COL11A1: variants seen among roughly 807,000 people sequenced by gnomAD.
COL11A1 encodes the protein collagen alpha-1(XI) chain.
A neutral mutation model predicts 265.2 loss-of-function variants in COL11A1; 74 were observed. The observed-to-expected ratio is 0.28, with a 90% CI of 0.23 to 0.34. COL11A1 has a LOEUF of 0.34. Among genes scored for constraint, COL11A1 ranks in the 10% least tolerant of loss-of-function variants. COL11A1 has a pLI of 1.00. For synonymous variants in COL11A1, 816 were observed against 727.6 expected, an observed-to-expected ratio of 1.12 and a Z score of -1.96; for missense variants, 2,165 against 2,263.6, an observed-to-expected ratio of 0.96 and a Z score of 0.88.
intron 54 of COL11A1, among the ~76,000 whole-genome samples, chr1:102,903,431 G>C (rs993073817): frequency 2.6e-5 from 4 of 151,486 alleles, no homozygotes; most frequent in Non-Finnish European, 4.4e-5. Context: ...TGCTACTTCC[G>C]CCATAAGATA....
rs891465984 is a variant in COL11A1, at chr1:102,876,953, C to T, written c.*1066G>A. Reference sequence around the variant, plus strand: ...TTTGTTGGGCAAGTAAAATAATTTTCGAGACTGTTATAATATGCAACTTAG... The same window carrying T: ...TTTGTTGGGCAAGTAAAATAATTTTTGAGACTGTTATAATATGCAACTTAG... On this transcript the variant is annotated 3_prime_UTR_variant, in exon 67 of 67. Coordinates refer to ENST00000370096, the MANE Select transcript of COL11A1 (RefSeq NM_001854.4). The T allele has an allele frequency of 9.8e-5, 15 of 152,324 alleles. No homozygotes were observed. Among genetic ancestry groups the T allele is most frequent in the African/African-American group, 2.2e-4 (9 of 41,392 alleles). 9.4% of individuals were successfully genotyped at this position (152,324 alleles called of 1,614,324 possible). A position where few individuals can be genotyped will look rare whatever the true frequency, so the allele number is the denominator to read the frequency against.
chr1:103,049,629 T>G (rs1669616641), intron 4 of COL11A1, among the ~76,000 whole-genome samples: 1 of 152,230 alleles, frequency 6.6e-6, no homozygotes, highest in Admixed American at 6.5e-5. Flanking sequence ...TGTGTTAATT[T>G]GATCCTGCCA....
chr1:103,081,433 A>T (rs1029710150), intron 2 of COL11A1, among the ~76,000 whole-genome samples: 2 of 151,880 alleles, frequency 1.3e-5, no homozygotes, highest in Non-Finnish European at 2.9e-5. Context: ...TAATTTTTTT[A>T]AATCTATTTT....
At chr1:102,991,992 G>A (rs564296160) in intron 28 of COL11A1, among the ~76,000 whole-genome samples, 2 of 151,986 alleles carry the variant, frequency 1.3e-5, no homozygotes, top group African/African-American at 4.8e-5. Flanking sequence ...CCTCCCTAGA[G>A]AAAAACATAA....
chr1:103,014,914 T>C, intron 12 of COL11A1, among the ~76,000 whole-genome samples: 1 of 152,150 alleles, frequency 6.6e-6, no homozygotes, highest in East Asian at 1.9e-4. Context: ...CCCATTTTAT[T>C]GATTCATTTG....
intron 37 of COL11A1, among the ~76,000 whole-genome samples, chr1:102,967,255 T>TTTTTTC (rs1661511381): frequency 8.5e-6 from 1 of 118,176 alleles, no homozygotes; most frequent in Non-Finnish European, 1.7e-5. Context: ...TTTTTTTTTT[T>TTTTTTC]TTTGAGACGG....
At chr1:102,900,032 C>T (rs150620383) in intron 54 of COL11A1, among the ~76,000 whole-genome samples, 29 of 152,086 alleles carry the variant, frequency 1.9e-4, no homozygotes, top group Non-Finnish European at 1.9e-4. Context: ...CAAAATTGCA[C>T]GTGTACCCCA....
intron 5 of COL11A1, among the ~76,000 whole-genome samples, chr1:103,029,363 T>C (rs961063671): frequency 2.0e-5 from 3 of 152,002 alleles, no homozygotes; most frequent in African/African-American, 7.2e-5. Flanking sequence ...TTTATATAGG[T>C]AGAACTTCTG....
chr1:103,074,018 T>C (rs976275090), intron 4 of COL11A1, among the ~76,000 whole-genome samples: 3 of 152,068 alleles, frequency 2.0e-5, no homozygotes, highest in Admixed American at 1.3e-4. Context: ...TCATTTGTTC[T>C]TTTAAAAAGT....
At chr1:102,985,083 C>T (rs996838752) in intron 30 of COL11A1, among the ~76,000 whole-genome samples, 17 of 151,800 alleles carry the variant, frequency 1.1e-4, no homozygotes, top group African/African-American at 3.4e-4. Context: ...TGGAATTTTA[C>T]TGTGCATCCA....
intron 63 of COL11A1, 53 bp downstream of exon 63, chr1:102,886,754 C>A: frequency 6.2e-7 from 1 of 1,612,418 alleles, no homozygotes; most frequent in Non-Finnish European, 8.5e-7. Context: ...GCCAATGCAC[C>A]TCAGAAACTC....
In COL11A1 at chr1:103,043,192, A is replaced by G. The variant is rs1429748336; in HGVS notation, c.652-11948T>C. 1.2e-4 allele frequency among the ~76,000 whole-genome samples: 15 copies of G among 125,488 alleles called. No individual in the cohort carries two copies. In the Admixed American group the frequency reaches 1.2e-3, roughly 10 times the overall value. 82.3% of individuals were successfully genotyped at this position (125,488 alleles called of 152,430 possible). ...TATATGAAATATATATAATGTATATATGAAATACATCATATATATGAAATA... is the reference window on the plus strand; with the variant it reads ...TATATGAAATATATATAATGTATATGTGAAATACATCATATATATGAAATA... On this transcript the variant is annotated intron_variant, in intron 4 of 66. Coordinates refer to ENST00000370096, the MANE Select transcript of COL11A1 (RefSeq NM_001854.4).
intron 4 of COL11A1, among the ~76,000 whole-genome samples, chr1:103,048,452 C>G (rs1669499733): frequency 6.6e-6 from 1 of 151,674 alleles, no homozygotes; most frequent in African/African-American, 2.4e-5. Flanking sequence ...TGGTGATATC[C>G]CCTTTATCAT....
At position 102,940,336 on chromosome 1, in the gene COL11A1, G is replaced by A. The variant is rs17127270; in HGVS notation, c.3375C>T (p.Asp1125=). 0.16 allele frequency: 260,719 copies of A among 1,611,018 alleles called. 22,589 individuals carry two copies. Among genetic ancestry groups the A allele is most frequent in the African/African-American group, 0.2 (15,095 of 74,814 alleles). The change falls in exon 43 of 67, where the codon GAC becomes GAT. Residue 1125 remains aspartate (D), a synonymous_variant. Coordinates refer to ENST00000370096, the MANE Select transcript of COL11A1 (RefSeq NM_001854.4). ...AATAATGAATACCAACCTTGTCTCC[G>A]TCTTCCCCAGGGGAGCCGGCAGGAC... ...PAGPAGSPGE[D]GDKGEIGEPG... is the part of the protein sequence containing the mutation.
intron 4 of COL11A1, among the ~76,000 whole-genome samples, chr1:103,037,521 T>C (rs1668470636): frequency 6.6e-6 from 1 of 152,130 alleles, no homozygotes; most frequent in African/African-American, 2.4e-5. Flanking sequence ...TGATACTGTC[T>C]TGTTCAATTC....
intron 41 of COL11A1, among the ~76,000 whole-genome samples, chr1:102,952,284 A>C (rs1350474461): frequency 6.6e-6 from 1 of 152,134 alleles, no homozygotes; most frequent in Non-Finnish European, 1.5e-5. Flanking sequence ...TTTTTAGTAG[A>C]GACAGGGTTT....
At chr1:103,050,358 C>T (rs948751617) in intron 4 of COL11A1, among the ~76,000 whole-genome samples, 6 of 152,198 alleles carry the variant, frequency 3.9e-5, no homozygotes, top group Non-Finnish European at 5.9e-5. Flanking sequence ...ATTTCATCTT[C>T]CATCACTGAT....
chr1:102,992,454 T>A (rs1198379768), intron 28 of COL11A1, among the ~76,000 whole-genome samples: 1 of 152,014 alleles, frequency 6.6e-6, no homozygotes, highest in Non-Finnish European at 1.5e-5. Context: ...TGGTTAACAA[T>A]TAACATCATT....
rs1656632855 is a variant in COL11A1 at position 102,926,687 on chromosome 1, T to C, written c.3601-3298A>G. Among the ~76,000 whole-genome samples, 3 of 152,154 alleles carry C rather than the reference T, an allele frequency of 2.0e-5. 1 individual carries two copies. In the South Asian group the frequency reaches 6.2e-4, roughly 32 times the overall value. ...TCGTGAAAATGAAGATGATGTTTAT[T>C]GAATATTTTATAAACATAATCTACA... is the stretch of plus-strand genomic sequence containing the variant. On this transcript the variant is annotated intron_variant, in intron 46 of 66. Transcript: ENST00000370096.
Sources: allele counts gnomAD v4.1 joint callset (sites outside exome capture counted in the v4.1 genomes callset), GRCh38; gene constraint gnomAD v4.1.1; transcripts MANE v1.5; gene names NCBI Gene and HGNC (gene_info 2026-07-23, HGNC 2026-07-21).